Variants in ASIC2 observed in about 807,000 individuals in gnomAD.
ASIC2 encodes the protein acid-sensing ion channel 2.
In ASIC2, 25 loss-of-function variants were observed where a neutral mutation model predicts 57.3. The observed-to-expected ratio is 0.44, with a 90% CI of 0.32 to 0.61. The LOEUF (loss-of-function observed/expected upper bound fraction) is 0.61. ASIC2 is among the 20% of genes least tolerant of loss of function. The pLI is 0.06. For synonymous variants in ASIC2, 319 were observed against 307.5 expected, an observed-to-expected ratio of 1.04 and a Z score of -0.39; for missense variants, 641 against 738.1, an observed-to-expected ratio of 0.87 and a Z score of 1.52.
At chr17:33,507,818 T>G (rs1914310995) in intron 1 of ASIC2, among the ~76,000 whole-genome samples, 1 of 152,178 alleles carries the variant, frequency 6.6e-6, no homozygotes, top group African/African-American at 2.4e-5. Flanking sequence ...GGCAGGAGAA[T>G]TGCTTGAACC....
chr17:34,115,405 A>G (rs1422038435), intron 1 of ASIC2, among the ~76,000 whole-genome samples: 1 of 152,150 alleles, frequency 6.6e-6, no homozygotes, highest in Non-Finnish European at 1.5e-5. Flanking sequence ...GTAGTCACTC[A>G]ACCCCTGCTT....
At chr17:33,770,977 T>C (rs1414619122) in intron 1 of ASIC2, among the ~76,000 whole-genome samples, 2 of 152,142 alleles carry the variant, frequency 1.3e-5, no homozygotes, top group African/African-American at 4.8e-5. Context: ...GCAAGAAAGA[T>C]ACCCAGGACC....
At chr17:33,985,036 T>C (rs756338914) in intron 1 of ASIC2, among the ~76,000 whole-genome samples, 35 of 152,280 alleles carry the variant, frequency 2.3e-4, no homozygotes, top group Admixed American at 1.6e-3. Flanking sequence ...TGAATATAGA[T>C]GTGAGTGATA....
intron 1 of ASIC2, among the ~76,000 whole-genome samples, chr17:33,629,611 T>A (rs537387210): frequency 6.8e-4 from 104 of 152,266 alleles, no homozygotes; most frequent in African/African-American, 2.3e-3. Context: ...GTAGACAATA[T>A]TTCCCTGGGA....
intron 1 of ASIC2, among the ~76,000 whole-genome samples, chr17:33,800,220 C>T (rs1295243686): frequency 1.3e-5 from 2 of 152,168 alleles, no homozygotes; most frequent in East Asian, 1.9e-4. Flanking sequence ...GACAATCTGT[C>T]AGCTTTGCCA....
At chr17:33,490,043 G>C (rs56284647) in intron 1 of ASIC2, among the ~76,000 whole-genome samples, 33,442 of 152,182 alleles carry the variant, frequency 0.22, 4,293 homozygotes, top group African/African-American at 0.36. Context: ...AGACAATTTT[G>C]TGTTTTGCTT....
intron 1 of ASIC2, among the ~76,000 whole-genome samples, chr17:34,129,193 A>C (rs556510001): frequency 1.2e-4 from 18 of 152,146 alleles, no homozygotes; most frequent in Non-Finnish European, 1.8e-4. Flanking sequence ...GATGTCCTTT[A>C]TCCCATTTAA....
chr17:33,065,153 G>A (rs2092037850), intron 3 of ASIC2, among the ~76,000 whole-genome samples: 1 of 152,038 alleles, frequency 6.6e-6, no homozygotes, highest in South Asian at 2.1e-4. Flanking sequence ...ACATAATAGG[G>A]GCTCTGTATT....
At chr17:33,361,956 A>G (rs1908624605) in intron 1 of ASIC2, among the ~76,000 whole-genome samples, 1 of 152,118 alleles carries the variant, frequency 6.6e-6, no homozygotes, top group Admixed American at 6.5e-5. Flanking sequence ...CTCTCCAATG[A>G]CTTCTTTATT....
intron 1 of ASIC2, among the ~76,000 whole-genome samples, chr17:33,895,212 G>C (rs1915066016): frequency 6.6e-6 from 1 of 151,678 alleles, no homozygotes; most frequent in Non-Finnish European, 1.5e-5. Context: ...GCCCAGGCTG[G>C]GGTGCAGAGG....
chr17:33,154,677 C>T (rs1391146231), intron 1 of ASIC2, among the ~76,000 whole-genome samples: 1 of 152,162 alleles, frequency 6.6e-6, no homozygotes, highest in Non-Finnish European at 1.5e-5. Flanking sequence ...GCCGTGTGTT[C>T]CAAACACAGC....
chr17:33,859,925 TC>T (rs1398558167), intron 1 of ASIC2, among the ~76,000 whole-genome samples: 3 of 152,158 alleles, frequency 2.0e-5, no homozygotes, highest in Non-Finnish European at 4.4e-5. Flanking sequence ...GTTCAAGCAG[TC>T]CTTCTGCCTT....
At chr17:34,103,022 T>C (rs1422928811) in intron 1 of ASIC2, among the ~76,000 whole-genome samples, 1 of 152,258 alleles carries the variant, frequency 6.6e-6, no homozygotes, top group Non-Finnish European at 1.5e-5. Flanking sequence ...TTGAAAGAGT[T>C]CTTTACACAT....
At chr17:33,561,174 C>T (rs908754366) in intron 1 of ASIC2, among the ~76,000 whole-genome samples, 5 of 152,218 alleles carry the variant, frequency 3.3e-5, no homozygotes, top group Non-Finnish European at 5.9e-5. Flanking sequence ...GAATTCTTTC[C>T]ACTTCCCCAC....
upstream of ASIC2, among the ~76,000 whole-genome samples, chr17:33,294,626 C>CACACACACT (rs1183089049): frequency 6.6e-6 from 1 of 152,132 alleles, no homozygotes; most frequent in African/African-American, 2.4e-5. Flanking sequence ...CACAAACACA[C>CACACACACT]ACACACACTA....
At chr17:33,242,558 C>T (rs1202053630) in intron 1 of ASIC2, among the ~76,000 whole-genome samples, 2 of 152,114 alleles carry the variant, frequency 1.3e-5, no homozygotes, top group Non-Finnish European at 2.9e-5. Flanking sequence ...AGGATTTAAA[C>T]CCAGTCTGTG....
chr17:33,730,499 A>G (rs1224305794), intron 1 of ASIC2, among the ~76,000 whole-genome samples: 1 of 152,210 alleles, frequency 6.6e-6, no homozygotes, highest in African/African-American at 2.4e-5. Context: ...TATTCATTCA[A>G]CAGTCCTTAG....
intron 1 of ASIC2, among the ~76,000 whole-genome samples, chr17:33,454,494 G>T (rs998207458): frequency 6.6e-6 from 1 of 152,316 alleles, no homozygotes. Context: ...TTTCTGCTAT[G>T]TGTACTTTCT....
intron 1 of ASIC2, among the ~76,000 whole-genome samples, chr17:33,271,395 T>C (rs1360532095): frequency 6.6e-6 from 1 of 152,152 alleles, no homozygotes; most frequent in African/African-American, 2.4e-5. Flanking sequence ...AGCTCCAGGC[T>C]TATGTGTCCA....
Sources: gnomAD v4.1 joint callset for allele counts (sites outside exome capture counted in the v4.1 genomes callset) on GRCh38, gnomAD v4.1.1 for gene constraint, MANE v1.5 for transcripts, NCBI Gene and HGNC (gene_info 2026-07-23, HGNC 2026-07-21) for gene names.